Variants in GRM8 observed in about 807,000 individuals in gnomAD.
GRM8 encodes metabotropic glutamate receptor 8.
A neutral mutation model predicts 87.2 loss-of-function variants in GRM8; 47 were observed. The observed-to-expected ratio is 0.54, with a 90% CI of 0.43 to 0.69. The LOEUF (loss-of-function observed/expected upper bound fraction) is 0.69. Ranked by LOEUF, GRM8 falls within the 30% of genes least tolerant of loss-of-function variation. The probability of loss-of-function intolerance (pLI) is 0.00; values close to 1 mark genes in which losing one functional copy is unlikely to be tolerated. For missense variants in GRM8, 1,019 were observed against 1,139.2 expected, an observed-to-expected ratio of 0.89 and a Z score of 1.52; for synonymous variants, 396 against 404.5, an observed-to-expected ratio of 0.98 and a Z score of 0.25.
At chr7:126,870,828 G>A (rs926342354) in intron 6 of GRM8, among the ~76,000 whole-genome samples, 4 of 152,174 alleles carry the variant, frequency 2.6e-5, no homozygotes, top group Non-Finnish European at 4.4e-5. Context: ...TTAGAAAATT[G>A]GCACTGATAG....
chr7:126,465,124 C>G (rs750803660), intron 9 of GRM8: 3 of 151,606 alleles, frequency 2.0e-5, no homozygotes, highest in Non-Finnish European at 4.4e-5. Context: ...ATCAGATGAA[C>G]ATATATGACG....
intron 3 of GRM8, among the ~76,000 whole-genome samples, chr7:127,014,064 T>G (rs1438706188): frequency 2.0e-5 from 3 of 152,136 alleles, no homozygotes; most frequent in Non-Finnish European, 4.4e-5. Flanking sequence ...TTCCTCTTGG[T>G]GTGCAGTGAG....
At chr7:126,863,934 T>C (rs938873020) in intron 6 of GRM8, among the ~76,000 whole-genome samples, 17 of 151,518 alleles carry the variant, frequency 1.1e-4, no homozygotes, top group African/African-American at 4.1e-4. Context: ...TTCTTTTTGT[T>C]CTAATTTACC....
intron 3 of GRM8, among the ~76,000 whole-genome samples, chr7:127,099,067 A>C (rs1028647043): frequency 6.6e-6 from 1 of 152,234 alleles, no homozygotes; most frequent in African/African-American, 2.4e-5. Flanking sequence ...ATAATAATGT[A>C]AGACAAAGAA....
At chr7:126,834,876 T>C (rs975245682) in intron 6 of GRM8, among the ~76,000 whole-genome samples, 3 of 151,986 alleles carry the variant, frequency 2.0e-5, no homozygotes, top group Non-Finnish European at 4.4e-5. Flanking sequence ...GCTGAGAGGA[T>C]TGCTTGAGCT....
chr7:126,777,813 T>G (rs1055447471), intron 6 of GRM8, among the ~76,000 whole-genome samples: 2 of 152,172 alleles, frequency 1.3e-5, no homozygotes, highest in Admixed American at 1.3e-4. Context: ...AAACTTCTTA[T>G]GAATTTCAGC....
chr7:126,712,542 GC>G (rs1811210939), intron 7 of GRM8, among the ~76,000 whole-genome samples: 1 of 152,032 alleles, frequency 6.6e-6, no homozygotes, highest in South Asian at 2.1e-4. Flanking sequence ...TACCTGTGAG[GC>G]GCAATAAAAC....
intron 3 of GRM8, among the ~76,000 whole-genome samples, chr7:126,938,445 G>A (rs139809692): frequency 1.3e-5 from 2 of 152,132 alleles, no homozygotes; most frequent in African/African-American, 2.4e-5. Flanking sequence ...ATTAATATAG[G>A]AGAAAATTGG....
At chr7:126,975,345 G>A (rs149920086) in intron 3 of GRM8, among the ~76,000 whole-genome samples, 25 of 152,294 alleles carry the variant, frequency 1.6e-4, no homozygotes, top group African/African-American at 4.6e-4. Flanking sequence ...CTTGAGATTT[G>A]AGGATTATTT....
chr7:126,554,764 C>A (rs1379945786), intron 8 of GRM8, among the ~76,000 whole-genome samples: 3 of 152,058 alleles, frequency 2.0e-5, no homozygotes. Context: ...CTTAAATTTT[C>A]TGTTTTTGTT....
At chr7:126,526,251 TA>T (rs775208421) in intron 9 of GRM8, among the ~76,000 whole-genome samples, 33 of 152,222 alleles carry the variant, frequency 2.2e-4, no homozygotes, top group Non-Finnish European at 4.0e-4. Flanking sequence ...GTTCTGTCTG[TA>T]TAGAAAAGAT....
intron 6 of GRM8, chr7:126,869,928 T>G (rs929741974): frequency 8.0e-4 from 70 of 87,140 alleles, no homozygotes; most frequent in African/African-American, 3.7e-3. Context: ...CTTTTCCTCA[T>G]AGATTAAAAA....
chr7:126,993,474 C>T (rs1373436219), intron 3 of GRM8, among the ~76,000 whole-genome samples: 2 of 152,172 alleles, frequency 1.3e-5, no homozygotes, highest in Non-Finnish European at 2.9e-5. Context: ...AGGAACACCA[C>T]ATTTTAACAA....
At chr7:126,667,615 G>A (rs984943218) in intron 7 of GRM8, among the ~76,000 whole-genome samples, 8 of 152,194 alleles carry the variant, frequency 5.3e-5, no homozygotes, top group African/African-American at 1.9e-4. Flanking sequence ...AAGCTGAGGA[G>A]AAGGTGGAAG....
At chr7:126,911,233 A>G (rs1803257526) in intron 3 of GRM8, among the ~76,000 whole-genome samples, 1 of 152,214 alleles carries the variant, frequency 6.6e-6, no homozygotes, top group Non-Finnish European at 1.5e-5. Flanking sequence ...GTGCCAATAG[A>G]TGAAATGACT....
At chr7:126,532,112 A>C (rs554875541) in intron 9 of GRM8, among the ~76,000 whole-genome samples, 1 of 152,208 alleles carries the variant, frequency 6.6e-6, no homozygotes, top group Non-Finnish European at 1.5e-5. Context: ...TTTTCTGTAC[A>C]TAGAACTACA....
chr7:127,107,575 T>G (rs1251298073), intron 2 of GRM8, among the ~76,000 whole-genome samples: 2 of 152,136 alleles, frequency 1.3e-5, no homozygotes, highest in Non-Finnish European at 2.9e-5. Flanking sequence ...TCAGGTAACT[T>G]GAAGATGCAG....
At chr7:126,455,436 T>G (rs1803120563) in intron 9 of GRM8, among the ~76,000 whole-genome samples, 1 of 151,404 alleles carries the variant, frequency 6.6e-6, no homozygotes, top group South Asian at 2.1e-4. Flanking sequence ...TTGGGCCAAA[T>G]TTCTTCTAAA....
intron 8 of GRM8, among the ~76,000 whole-genome samples, chr7:126,603,645 A>G: frequency 6.6e-6 from 1 of 152,162 alleles, no homozygotes; most frequent in Non-Finnish European, 1.5e-5. Context: ...GAAAGGGCCC[A>G]GGGAATTGAC....
Sources: gnomAD v4.1 joint callset for allele counts (sites outside exome capture counted in the v4.1 genomes callset) on GRCh38, gnomAD v4.1.1 for gene constraint, MANE v1.5 for transcripts, NCBI Gene and HGNC (gene_info 2026-07-23, HGNC 2026-07-21) for gene names.